The following CACNA1E variants were observed in gnomAD, a reference collection of about 807,000 sequenced individuals.
CACNA1E encodes calcium voltage-gated channel subunit alpha1 E.
A neutral mutation model predicts 259.2 loss-of-function variants in CACNA1E; 40 were observed. The observed-to-expected ratio is 0.15, with a 90% CI of 0.12 to 0.20. The LOEUF is 0.20. CACNA1E is among the 10% of genes least tolerant of loss of function. The probability of loss-of-function intolerance (pLI) is 1.00; values close to 1 mark genes in which losing one functional copy is unlikely to be tolerated. For synonymous variants in CACNA1E, 1,104 were observed against 1,138.5 expected, an observed-to-expected ratio of 0.97 and a Z score of 0.61; for missense variants, 1,874 against 3,040.1, an observed-to-expected ratio of 0.62 and a Z score of 9.02.
chr1:181,675,582 G>A (rs1299385070), intron 7 of CACNA1E, among the ~76,000 whole-genome samples: 1 of 152,194 alleles, frequency 6.6e-6, no homozygotes. Flanking sequence ...ACAACATAAT[G>A]AGCTCCAAAA....
At chr1:181,730,778 C>T (rs1457357982) in intron 18 of CACNA1E, among the ~76,000 whole-genome samples, 1 of 152,132 alleles carries the variant, frequency 6.6e-6, no homozygotes, top group African/African-American at 2.4e-5. Context: ...CTATGCTAGC[C>T]CTAGAAATGA....
At chr1:181,729,879 A>G (rs1655298941) in intron 18 of CACNA1E, among the ~76,000 whole-genome samples, 1 of 152,238 alleles carries the variant, frequency 6.6e-6, no homozygotes. Context: ...GCAGATGTGC[A>G]TGCTGCCTGT....
chr1:181,503,050 A>G (rs2102575703), intron 1 of CACNA1E, among the ~76,000 whole-genome samples: 1 of 152,270 alleles, frequency 6.6e-6, no homozygotes, highest in South Asian at 2.1e-4. Flanking sequence ...TTGTGTAGAC[A>G]GGTTAGGAAG....
At chr1:181,718,006 T>C in intron 11 of CACNA1E, 49 bp from the exon 12 acceptor site, 1 of 903,148 alleles carries the variant, frequency 1.1e-6, no homozygotes, top group Non-Finnish European at 1.8e-6. Flanking sequence ...GAGAAGTGCA[T>C]GAGCCCACCC....
rs1313574198 is a variant in CACNA1E, at chr1:181,785,819, T to A, written c.5786T>A (p.Leu1929Gln). The change falls in exon 43 of 48, where the codon CTG becomes CAG. Residue 1929 changes from leucine (L) to glutamine (Q), a missense_variant and splice_region_variant. Transcript: ENST00000367573. ...PYLQQDPVSG[L>Q]SGRSGYPSMS... Reference sequence around the variant, plus strand: ...CTCCAGCAGGACCCCGTTTCAGGCCTGTGAGTAGCACCAAAACATCCCTGG... The same window carrying A: ...CTCCAGCAGGACCCCGTTTCAGGCCAGTGAGTAGCACCAAAACATCCCTGG... 1 of 1,592,472 alleles carries A rather than the reference T, an allele frequency of 6.3e-7. No individual in the cohort carries two copies. Among genetic ancestry groups the A allele is most frequent in the African/African-American group, 1.4e-5 (1 of 73,864 alleles).
intron 17 of CACNA1E, among the ~76,000 whole-genome samples, chr1:181,724,940 C>G (rs1369661600): frequency 1.3e-5 from 2 of 152,186 alleles, no homozygotes; most frequent in Non-Finnish European, 2.9e-5. Context: ...GGAGAGAGAT[C>G]AGGGCCATCA....
chr1:181,791,328 C>A (rs1390966189), intron 44 of CACNA1E, among the ~76,000 whole-genome samples: 1 of 152,098 alleles, frequency 6.6e-6, no homozygotes, highest in Non-Finnish European at 1.5e-5. Flanking sequence ...AAAAAATTAT[C>A]CAGGCTTGGT....
chr1:181,429,139 A>G (rs939348143), intron 2 of CACNA1E, among the ~76,000 whole-genome samples: 2 of 152,112 alleles, frequency 1.3e-5, no homozygotes, highest in Non-Finnish European at 2.9e-5. Context: ...CCGAGATCAC[A>G]ACACTGCACT....
intron 7 of CACNA1E, among the ~76,000 whole-genome samples, chr1:181,658,168 A>T (rs561481977): frequency 1.7e-4 from 26 of 152,384 alleles, no homozygotes; most frequent in Non-Finnish European, 3.2e-4. Context: ...GTTCTGGATG[A>T]GGCTCCAGCA....
intron 2 of CACNA1E, among the ~76,000 whole-genome samples, chr1:181,467,606 T>C (rs1184473151): frequency 1.3e-5 from 2 of 152,152 alleles, no homozygotes; most frequent in Non-Finnish European, 2.9e-5. Flanking sequence ...CATGGAGCCC[T>C]GTGCAGGCCT....
chr1:181,584,762 T>C (rs1267075791), intron 6 of CACNA1E, among the ~76,000 whole-genome samples: 1 of 152,216 alleles, frequency 6.6e-6, no homozygotes, highest in African/African-American at 2.4e-5. Flanking sequence ...CCATCTTTGC[T>C]TCAGTCTTTT....
intron 8 of CACNA1E, among the ~76,000 whole-genome samples, chr1:181,714,671 G>T (rs981196249): frequency 6.6e-6 from 1 of 152,156 alleles, no homozygotes. Context: ...ATGAAAGACT[G>T]CCAGGAACCA....
At chr1:181,478,226 GAATGGTTTTTAA>G (rs1420849724) in intron 2 of CACNA1E, among the ~76,000 whole-genome samples, 1 of 152,190 alleles carries the variant, frequency 6.6e-6, no homozygotes, top group Non-Finnish European at 1.5e-5. Flanking sequence ...TGTCATAAAT[GAATGGTTTTTAA>G]AACACTTTAA....
intron 7 of CACNA1E, among the ~76,000 whole-genome samples, chr1:181,683,075 A>G (rs1043592364): frequency 1.3e-5 from 2 of 152,048 alleles, no homozygotes; most frequent in African/African-American, 2.4e-5. Flanking sequence ...TATGTTATCC[A>G]TGTCCCATTT....
At chr1:181,664,239 G>A (rs1428978079) in intron 7 of CACNA1E, among the ~76,000 whole-genome samples, 2 of 152,202 alleles carry the variant, frequency 1.3e-5, no homozygotes, top group Non-Finnish European at 2.9e-5. Flanking sequence ...TATGGAGTGG[G>A]CATTTGCAAT....
chr1:181,687,168 C>T (rs549275418), intron 7 of CACNA1E, among the ~76,000 whole-genome samples: 14 of 152,172 alleles, frequency 9.2e-5, no homozygotes, highest in East Asian at 1.9e-4. Flanking sequence ...AGATGGGAGC[C>T]GAGACCCTGG....
chr1:181,650,903 A>G (rs1043329097), intron 6 of CACNA1E, among the ~76,000 whole-genome samples: 4 of 152,222 alleles, frequency 2.6e-5, no homozygotes, highest in African/African-American at 4.8e-5. Flanking sequence ...ATGTCTTCCA[A>G]ATAACCCTGT....
intron 7 of CACNA1E, among the ~76,000 whole-genome samples, chr1:181,706,351 G>A (rs1458744092): frequency 1.3e-5 from 2 of 152,084 alleles, no homozygotes; most frequent in African/African-American, 4.8e-5. Flanking sequence ...AGGAGAGAGG[G>A]ACCAGTTAAA....
chr1:181,673,905 A>G (rs1649075540), intron 7 of CACNA1E, among the ~76,000 whole-genome samples: 1 of 152,152 alleles, frequency 6.6e-6, no homozygotes, highest in South Asian at 2.1e-4. Flanking sequence ...TGTCCTGCAC[A>G]GCCTTGCTGC....
Sources: allele counts gnomAD v4.1 joint callset (sites outside exome capture counted in the v4.1 genomes callset), GRCh38; gene constraint gnomAD v4.1.1; transcripts MANE v1.5; gene names NCBI Gene and HGNC (gene_info 2026-07-23, HGNC 2026-07-21).